Variants in PLCB1 observed in about 807,000 individuals in gnomAD.
PLCB1 encodes the protein 1-phosphatidylinositol 4,5-bisphosphate phosphodiesterase beta-1.
In PLCB1, 46 loss-of-function variants were observed where a neutral mutation model predicts 161.8. That is an observed-to-expected ratio of 0.28 (90% CI 0.22 to 0.36). The LOEUF (loss-of-function observed/expected upper bound fraction) is 0.36. Ranked by LOEUF, PLCB1 falls within the 10% of genes least tolerant of loss-of-function variation. The probability of loss-of-function intolerance (pLI) is 1.00; values close to 1 mark genes in which losing one functional copy is unlikely to be tolerated. For synonymous variants in PLCB1, 517 were observed against 503.7 expected (o/e 1.03, Z -0.35); for missense variants, 1,016 against 1,472.5 (o/e 0.69, Z 5.07).
chr20:8,362,510 G>A (rs2122305440), intron 2 of PLCB1, among the ~76,000 whole-genome samples: 1 of 152,228 alleles, frequency 6.6e-6, no homozygotes, highest in Admixed American at 6.5e-5. Flanking sequence ...TCTTAATAAA[G>A]CCGTGGTGCT....
Position 8,402,623 on chromosome 20 carries a change from G to A in PLCB1, c.246+31173G>A, listed in dbSNP as rs555071891. ...GCCGAGGCAGGCGGATCACAAGGTC[G>A]GGAGATGGAGACCAGCCTGGCTAAC... is the stretch of plus-strand genomic sequence containing the variant. On this transcript the variant is annotated intron_variant, in intron 3 of 31. Coordinates refer to ENST00000338037, the MANE Select transcript of PLCB1 (RefSeq NM_015192.4). Among the ~76,000 whole-genome samples, 18 of 151,350 alleles carry A rather than the reference G, an allele frequency of 1.2e-4. 1 individual carries two copies. The South Asian group carries it at 1.9e-3, about 16-fold the overall frequency.
intron 3 of PLCB1, among the ~76,000 whole-genome samples, chr20:8,583,496 T>A (rs1314490810): frequency 6.6e-6 from 1 of 152,216 alleles, no homozygotes; most frequent in African/African-American, 2.4e-5. Flanking sequence ...CCTAACACAG[T>A]CAGCCCAGGA....
chr20:8,256,908 A>C (rs1020017507), intron 2 of PLCB1: 1 of 152,166 alleles, frequency 6.6e-6, no homozygotes, highest in African/African-American at 2.4e-5. Flanking sequence ...AATATTTTGC[A>C]TTTAAGAGTT....
chr20:8,708,194 T>C (rs1234552890), intron 11 of PLCB1, among the ~76,000 whole-genome samples: 2 of 152,128 alleles, frequency 1.3e-5, no homozygotes, highest in Admixed American at 1.3e-4. Context: ...AAGTCACATC[T>C]CAATAACAAA....
chr20:8,205,276 G>A (rs916818327), intron 2 of PLCB1, among the ~76,000 whole-genome samples: 10 of 151,926 alleles, frequency 6.6e-5, no homozygotes, highest in Admixed American at 3.9e-4. Context: ...ATTAGCATTC[G>A]TATATTTTAT....
At position 8,775,073 on chromosome 20, in the gene PLCB1, CT is replaced by C. The variant is rs71184112; in HGVS notation, c.3111+377del. Among the ~76,000 whole-genome samples, 83 of 123,908 alleles carry C rather than the reference CT, an allele frequency of 6.7e-4. 1 individual carries two copies. The highest frequency in any genetic ancestry group is 4.4e-3 in the Middle Eastern group (1 of 228). 81.3% of individuals were successfully genotyped at this position (123,908 alleles called of 152,430 possible). On this transcript the variant is annotated intron_variant, in intron 27 of 31. Coordinates refer to ENST00000338037, the MANE Select transcript of PLCB1 (RefSeq NM_015192.4). ...AGAACATGTTGCAAACAAATTTTCC[CT>C]TTTTTTTTTTTTTTTTTTTTTTGGT...
chr20:8,756,726 G>A (rs956228318), intron 23 of PLCB1, among the ~76,000 whole-genome samples: 5 of 152,086 alleles, frequency 3.3e-5, no homozygotes, highest in African/African-American at 1.2e-4. Flanking sequence ...AATTTGCAAG[G>A]GTCTTTTGTA....
chr20:8,336,363 G>A (rs924671924), intron 2 of PLCB1, among the ~76,000 whole-genome samples: 2 of 152,048 alleles, frequency 1.3e-5, no homozygotes, highest in Non-Finnish European at 2.9e-5. Flanking sequence ...TCCTTAAACT[G>A]GGAATCAAAT....
chr20:8,415,484 T>C (rs867848714), intron 3 of PLCB1, among the ~76,000 whole-genome samples: 3 of 152,218 alleles, frequency 2.0e-5, no homozygotes, highest in African/African-American at 7.2e-5. Context: ...AGCACTTGTA[T>C]ACAGGTGGAT....
At chr20:8,266,485 C>T (rs1442177325) in intron 2 of PLCB1, among the ~76,000 whole-genome samples, 1 of 152,168 alleles carries the variant, frequency 6.6e-6, no homozygotes, top group Non-Finnish European at 1.5e-5. Flanking sequence ...TGAATCGAGT[C>T]AGCTAATATC....
At chr20:8,592,772 A>T (rs970233781) in intron 3 of PLCB1, among the ~76,000 whole-genome samples, 9 of 152,160 alleles carry the variant, frequency 5.9e-5, no homozygotes, top group Non-Finnish European at 1.0e-4. Context: ...CTCAATTTGT[A>T]TTTCTGTTTT....
Position 8,716,209 on chromosome 20 carries a change from A to G in PLCB1, c.1251-55A>G. On this transcript the variant is annotated intron_variant, in intron 12 of 31. Coordinates refer to ENST00000338037, the MANE Select transcript of PLCB1 (RefSeq NM_015192.4). Reference sequence around the variant, plus strand: ...TTAATAACACAAAGCAATCCTGTTCAGGTTCTTTGGATAAGCCTCCCTACT... The same window carrying G: ...TTAATAACACAAAGCAATCCTGTTCGGGTTCTTTGGATAAGCCTCCCTACT... 9.4e-6 allele frequency: 12 copies of G among 1,270,858 alleles called. 1 individual carries two copies. The highest frequency in any genetic ancestry group is 2.4e-5 in the South Asian group (2 of 83,732). 78.7% of individuals were successfully genotyped at this position (1,270,858 alleles called of 1,614,324 possible).
intron 2 of PLCB1, among the ~76,000 whole-genome samples, chr20:8,262,008 G>T (rs966711305): frequency 6.6e-6 from 1 of 152,008 alleles, no homozygotes; most frequent in African/African-American, 2.4e-5. Context: ...CTTCTTGATG[G>T]CAGCTGGGGA....
At chr20:8,712,929 C>T (rs1979098713) in intron 12 of PLCB1, among the ~76,000 whole-genome samples, 1 of 152,142 alleles carries the variant, frequency 6.6e-6, no homozygotes, top group Admixed American at 6.5e-5. Context: ...CTAAACACTT[C>T]AGGATTTTGT....
chr20:8,810,340 T>G (rs1486867962), intron 31 of PLCB1, among the ~76,000 whole-genome samples: 1 of 152,188 alleles, frequency 6.6e-6, no homozygotes, highest in African/African-American at 2.4e-5. Flanking sequence ...TCACTTCGGA[T>G]GTACACCATA....
intron 2 of PLCB1, among the ~76,000 whole-genome samples, chr20:8,212,559 CTTAA>C (rs1423043969): frequency 6.6e-6 from 1 of 152,032 alleles, no homozygotes; most frequent in Non-Finnish European, 1.5e-5. Flanking sequence ...AGTGATTCTT[CTTAA>C]TTGTTACTGA....
intron 2 of PLCB1, among the ~76,000 whole-genome samples, chr20:8,318,521 G>A (rs999893394): frequency 6.6e-6 from 1 of 151,160 alleles, no homozygotes; most frequent in African/African-American, 2.4e-5. Context: ...TTAGGACAGC[G>A]CTGAGATTGT....
At chr20:8,339,008 C>A (rs939349672) in intron 2 of PLCB1, among the ~76,000 whole-genome samples, 1 of 152,038 alleles carries the variant, frequency 6.6e-6, no homozygotes, top group African/African-American at 2.4e-5. Flanking sequence ...TGAAGTGTTT[C>A]TTTGTATGAC....
At chr20:8,486,474 C>T (rs1171404346) in intron 3 of PLCB1, among the ~76,000 whole-genome samples, 1 of 137,062 alleles carries the variant, frequency 7.3e-6, no homozygotes. Context: ...TGCTTTTATT[C>T]CAAAATATTT....
Sources: gnomAD v4.1 joint callset for allele counts (sites outside exome capture counted in the v4.1 genomes callset) on GRCh38, gnomAD v4.1.1 for gene constraint, MANE v1.5 for transcripts, NCBI Gene and HGNC (gene_info 2026-07-23, HGNC 2026-07-21) for gene names.